The following CSRNP3 variants were observed in gnomAD, a reference collection of about 807,000 sequenced individuals.
The protein encoded by CSRNP3 is cysteine and serine rich nuclear protein 3.
A neutral mutation model predicts 48.0 loss-of-function variants in CSRNP3; 12 were observed. The observed-to-expected ratio is 0.25, with a 90% CI of 0.16 to 0.41. The LOEUF (loss-of-function observed/expected upper bound fraction) is 0.41, where lower values mean the gene tolerates loss of function less well. CSRNP3 is among the 10% of genes least tolerant of loss of function. CSRNP3 has a pLI of 1.00. For missense variants in CSRNP3, 580 were observed against 724.4 expected (o/e 0.80, Z 2.29); for synonymous variants, 263 against 269.7 (o/e 0.98, Z 0.24).
At chr2:165,552,575 T>C (rs1225581725) in intron 3 of CSRNP3, among the ~76,000 whole-genome samples, 10 of 152,144 alleles carry the variant, frequency 6.6e-5, no homozygotes, top group Non-Finnish European at 1.5e-4. Context: ...AGGGGCAAAT[T>C]ATCATTATCT....
At chr2:165,653,165 TCCTCTGATTGAATCATC>T (rs1686942794) in intron 4 of CSRNP3, among the ~76,000 whole-genome samples, 1 of 152,176 alleles carries the variant, frequency 6.6e-6, no homozygotes, top group African/African-American at 2.4e-5. Context: ...CTCATGTTAG[TCCTCTGATTGAATCATC>T]AGAAGAGAGA....
intron 3 of CSRNP3, among the ~76,000 whole-genome samples, chr2:165,561,018 C>T (rs1015324062): frequency 6.6e-6 from 1 of 152,138 alleles, no homozygotes; most frequent in African/African-American, 2.4e-5. Context: ...GAAAACATGC[C>T]TTTAAATACT....
chr2:165,512,325 T>C (rs1684518000), intron 2 of CSRNP3, among the ~76,000 whole-genome samples: 1 of 152,260 alleles, frequency 6.6e-6, no homozygotes, highest in South Asian at 2.1e-4. Context: ...TTAAGTTTTA[T>C]AATTTTTACC....
chr2:165,670,801 A>G (rs1229387030), intron 5 of CSRNP3, among the ~76,000 whole-genome samples: 53 of 152,264 alleles, frequency 3.5e-4, no homozygotes, highest in Admixed American at 3.5e-3. Context: ...ACACAGAAAT[A>G]AAAACAGATT....
chr2:165,607,490 C>T (rs570728099), intron 4 of CSRNP3, among the ~76,000 whole-genome samples: 3 of 152,142 alleles, frequency 2.0e-5, no homozygotes, highest in Non-Finnish European at 4.4e-5. Flanking sequence ...GTGTTCAGCT[C>T]CAGTCCCCAC....
At position 165,475,536 on chromosome 2, in the gene CSRNP3, A is replaced by C. The variant is rs1306547754; in HGVS notation, c.-283+5796A>C. On this transcript the variant is annotated intron_variant, in intron 1 of 6. Coordinates refer to ENST00000651982, the MANE Select transcript of CSRNP3 (RefSeq NM_001172173.2). The stretch of plus-strand genomic sequence containing the variant: ...CTCAGTACCCTTTCGCTCACTATCT[A>C]AATTATAGCTCTTGATGACAAGGAG... Among the ~76,000 whole-genome samples the C allele has an allele frequency of 2.0e-5, 3 of 152,162 alleles. No individual in the cohort carries two copies. In the East Asian group the frequency reaches 5.8e-4, roughly 29 times the overall value.
At chr2:165,475,065 C>G (rs1176612264) in intron 1 of CSRNP3, among the ~76,000 whole-genome samples, 1 of 151,906 alleles carries the variant, frequency 6.6e-6, no homozygotes, top group East Asian at 1.9e-4. Context: ...TTGCTTTTCT[C>G]TCCTCAGGTT....
intron 3 of CSRNP3, among the ~76,000 whole-genome samples, chr2:165,577,404 A>G (rs1685470066): frequency 6.6e-6 from 1 of 151,846 alleles, no homozygotes. Context: ...TACCTTGTCT[A>G]GTAGAGTTGG....
rs1179080859 is a variant in CSRNP3 at position 165,683,947 on chromosome 2, C to T, written c.*4194C>T. 6.6e-6 allele frequency: 1 copy of T among 152,104 alleles called. No homozygotes were observed. The highest frequency in any genetic ancestry group is 1.5e-5 in the Non-Finnish European group (1 of 67,974). 9.4% of individuals were successfully genotyped at this position (152,104 alleles called of 1,614,324 possible). ...GAAATGTATGAATTAAATCAGGACT[C>T]AGCTAGGACTGAATCAAATGAAAAA... On this transcript the variant is annotated 3_prime_UTR_variant, in exon 7 of 7. Transcript: ENST00000651982.
At chr2:165,527,422 G>A (rs1684751292) in intron 3 of CSRNP3, among the ~76,000 whole-genome samples, 1 of 151,832 alleles carries the variant, frequency 6.6e-6, no homozygotes, top group South Asian at 2.1e-4. Context: ...AGCCAGGATG[G>A]TCTCGATCTC....
At position 165,493,299 on chromosome 2, in the gene CSRNP3, G is replaced by GTCAC. The variant is rs1684244488; in HGVS notation, c.-282-1459_-282-1456dup. ...GTGCTGGTATTTGATGGCTTAAGAT[G>GTCAC]TCACCTCTCCTTGGTATCATATATT... On this transcript the variant is annotated intron_variant, in intron 1 of 6. Coordinates refer to ENST00000651982, the MANE Select transcript of CSRNP3 (RefSeq NM_001172173.2). Among the ~76,000 whole-genome samples, 3 of 151,998 alleles carry GTCAC rather than the reference G, an allele frequency of 2.0e-5. No homozygotes were observed. The South Asian group carries it at 6.2e-4, about 32-fold the overall frequency.
intron 5 of CSRNP3, among the ~76,000 whole-genome samples, chr2:165,660,843 A>G (rs978780296): frequency 6.6e-6 from 1 of 152,160 alleles, no homozygotes; most frequent in Non-Finnish European, 1.5e-5. Context: ...TGAAATGTAA[A>G]CAAAAGGCAT....
intron 5 of CSRNP3, among the ~76,000 whole-genome samples, chr2:165,662,340 C>CT (rs1421493759): frequency 6.6e-6 from 1 of 152,014 alleles, no homozygotes; most frequent in Non-Finnish European, 1.5e-5. Flanking sequence ...TCAAGTGTGT[C>CT]TTTTTTTGTT....
intron 3 of CSRNP3, among the ~76,000 whole-genome samples, chr2:165,563,582 C>T (rs1448780760): frequency 6.6e-6 from 1 of 152,040 alleles, no homozygotes; most frequent in African/African-American, 2.4e-5. Flanking sequence ...TTTCTTTTAT[C>T]ACAATTAATA....
At chr2:165,528,709 A>G (rs1416171876) in intron 3 of CSRNP3, among the ~76,000 whole-genome samples, 2 of 152,148 alleles carry the variant, frequency 1.3e-5, no homozygotes, top group Non-Finnish European at 2.9e-5. Context: ...TGTCAGTACC[A>G]TACTGTTTTT....
At chr2:165,621,579 C>A (rs1336045656) in intron 4 of CSRNP3, among the ~76,000 whole-genome samples, 1 of 152,018 alleles carries the variant, frequency 6.6e-6, no homozygotes, top group African/African-American at 2.4e-5. Context: ...GAGTGTGGAC[C>A]AGGAATCTCT....
At chr2:165,513,871 C>G (rs1684541028) in intron 2 of CSRNP3, among the ~76,000 whole-genome samples, 1 of 152,192 alleles carries the variant, frequency 6.6e-6, no homozygotes, top group South Asian at 2.1e-4. Flanking sequence ...TCTTTACTTT[C>G]CCCATCAGCA....
Position 165,572,218 on chromosome 2 carries a change from C to T in CSRNP3, c.-23-22825C>T, listed in dbSNP as rs543683027. ...TGCATTAATGACTTAGAGCAGCTTC[C>T]TTATCTGTTATTCCTTCCTCCTAGT... is the stretch of plus-strand genomic sequence containing the variant. On this transcript the variant is annotated intron_variant, in intron 3 of 6. Coordinates refer to ENST00000651982, the MANE Select transcript of CSRNP3 (RefSeq NM_001172173.2). 3.3e-5 allele frequency: 5 copies of T among 152,136 alleles called. No homozygotes were observed. In the East Asian group the frequency reaches 5.8e-4, roughly 18 times the overall value. The allele number at this position is 152,136 out of a possible 1,614,324, so 9.4% of individuals were successfully genotyped here. A position where few individuals can be genotyped will look rare whatever the true frequency, so the allele number is the denominator to read the frequency against.
At chr2:165,628,753 A>G (rs1686483022) in intron 4 of CSRNP3, among the ~76,000 whole-genome samples, 1 of 152,060 alleles carries the variant, frequency 6.6e-6, no homozygotes, top group Non-Finnish European at 1.5e-5. Flanking sequence ...ATCCTGTGGG[A>G]ACCACCAAAT....
Sources: gnomAD v4.1 joint callset for allele counts (sites outside exome capture counted in the v4.1 genomes callset) on GRCh38, gnomAD v4.1.1 for gene constraint, MANE v1.5 for transcripts, NCBI Gene and HGNC (gene_info 2026-07-23, HGNC 2026-07-21) for gene names.